Variants in PRELID2 observed in about 807,000 individuals in gnomAD.
PRELID2 encodes the protein PRELI domain-containing protein 2.
PRELID2 carries 25 observed loss-of-function variants against 28.4 expected under a neutral mutation model. The ratio of observed to expected loss-of-function variants is 0.88; its 90% confidence interval spans 0.64 to 1.23. The LOEUF (loss-of-function observed/expected upper bound fraction) is 1.23. PRELID2 is among the 50% of genes most tolerant of loss of function. The probability of loss-of-function intolerance (pLI) is 0.00; values close to 1 mark genes in which losing one functional copy is unlikely to be tolerated. For synonymous variants in PRELID2, 76 were observed against 71.6 expected (o/e 1.06, Z -0.31); for missense variants, 201 against 214.4 (o/e 0.94, Z 0.39).
intron 5 of PRELID2, among the ~76,000 whole-genome samples, chr5:145,793,127 G>A (rs1456574739): frequency 2.0e-5 from 3 of 152,104 alleles, no homozygotes; most frequent in Non-Finnish European, 2.9e-5. Flanking sequence ...CAGCATTTGT[G>A]ACACAAAGGC....
intron 1 of PRELID2, among the ~76,000 whole-genome samples, chr5:145,548,937 C>G (rs1309028799): frequency 6.6e-6 from 1 of 152,104 alleles, no homozygotes; most frequent in Non-Finnish European, 1.5e-5. Context: ...TTGTACCCAC[C>G]ACCTCAAGTT....
At chr5:145,490,769 T>C (rs1303674202) in intron 1 of PRELID2, among the ~76,000 whole-genome samples, 2 of 152,188 alleles carry the variant, frequency 1.3e-5, no homozygotes, top group East Asian at 3.8e-4. Context: ...ACTTTAAAAT[T>C]TGAAAATTCA....
chr5:145,389,741 T>C, the PRELID2 span, among the ~76,000 whole-genome samples: 5 of 152,186 alleles, frequency 3.3e-5, no homozygotes, highest in Non-Finnish European at 7.3e-5. Context: ...AAAGTTAGGT[T>C]GCTCACTTTG....
At chr5:145,516,224 T>C (rs1210442431) in intron 1 of PRELID2, among the ~76,000 whole-genome samples, 1 of 152,206 alleles carries the variant, frequency 6.6e-6, no homozygotes, top group Non-Finnish European at 1.5e-5. Flanking sequence ...GATGACATGA[T>C]TGTGTATTTA....
intron 1 of PRELID2, among the ~76,000 whole-genome samples, chr5:145,642,359 GTTGT>G (rs763252941): frequency 3.3e-5 from 5 of 152,156 alleles, no homozygotes; most frequent in African/African-American, 9.7e-5. Context: ...TTTTGAAGGG[GTTGT>G]TTGTTTTTTA....
the PRELID2 span, among the ~76,000 whole-genome samples, chr5:145,319,820 A>G: frequency 6.6e-6 from 1 of 152,220 alleles, no homozygotes; most frequent in Non-Finnish European, 1.5e-5. Context: ...CTGGATGATA[A>G]GCATACCACC....
At chr5:145,706,703 TATAAA>T (rs2149706939) in intron 1 of PRELID2, among the ~76,000 whole-genome samples, 1 of 152,360 alleles carries the variant, frequency 6.6e-6, no homozygotes, top group South Asian at 2.1e-4. Context: ...ATGACTGAAA[TATAAA>T]ATAAAATAAT....
the PRELID2 span, among the ~76,000 whole-genome samples, chr5:145,422,490 G>A: frequency 6.6e-6 from 1 of 151,920 alleles, no homozygotes; most frequent in Non-Finnish European, 1.5e-5. Flanking sequence ...TTATGTAATG[G>A]CCTTCTTTTT....
At chr5:145,566,491 T>C (rs963670238) in intron 1 of PRELID2, among the ~76,000 whole-genome samples, 6 of 151,570 alleles carry the variant, frequency 4.0e-5, no homozygotes, top group African/African-American at 2.4e-5. Flanking sequence ...GGTGACAGTA[T>C]AAAAAGGGAA....
At chr5:145,503,134 T>A (rs1449445779) in intron 1 of PRELID2, among the ~76,000 whole-genome samples, 1 of 152,144 alleles carries the variant, frequency 6.6e-6, no homozygotes, top group Non-Finnish European at 1.5e-5. Context: ...AGCAGGGCCC[T>A]TGTCAGAAGA....
chr5:145,538,950 G>A (rs1191249653), intron 1 of PRELID2, among the ~76,000 whole-genome samples: 1 of 151,902 alleles, frequency 6.6e-6, no homozygotes, highest in Non-Finnish European at 1.5e-5. Context: ...GCATAACTCA[G>A]AATACCTGAC....
the PRELID2 span, among the ~76,000 whole-genome samples, chr5:145,231,237 T>C: frequency 6.6e-6 from 1 of 152,102 alleles, no homozygotes; most frequent in Non-Finnish European, 1.5e-5. Context: ...TTTTTTGTCA[T>C]GACTTTTGAC....
the PRELID2 span, among the ~76,000 whole-genome samples, chr5:145,250,378 A>G: frequency 6.6e-6 from 1 of 152,174 alleles, no homozygotes; most frequent in East Asian, 1.9e-4. Context: ...GCTAGAATTC[A>G]GAGTTTCTGA....
At chr5:145,808,999 A>G in intron 4 of PRELID2, among the ~76,000 whole-genome samples, 1 of 141,470 alleles carries the variant, frequency 7.1e-6, no homozygotes, top group Admixed American at 7.1e-5. Context: ...TATTCAAATT[A>G]TTAACACACA....
chr5:145,432,855 C>A, the PRELID2 span, among the ~76,000 whole-genome samples: 3 of 152,108 alleles, frequency 2.0e-5, no homozygotes, highest in African/African-American at 4.8e-5. Context: ...AAGAAAATAA[C>A]CCCAAACTTT....
At chr5:145,395,629 G>T in the PRELID2 span, among the ~76,000 whole-genome samples, 1 of 152,042 alleles carries the variant, frequency 6.6e-6, no homozygotes, top group Admixed American at 6.6e-5. Context: ...TATAAAGGAC[G>T]AACACGTTTG....
At chr5:145,561,306 T>C (rs1366874375) in intron 1 of PRELID2, among the ~76,000 whole-genome samples, 1 of 152,210 alleles carries the variant, frequency 6.6e-6, no homozygotes, top group Non-Finnish European at 1.5e-5. Flanking sequence ...CAGCACTTTT[T>C]TCTTCCTTTT....
intron 1 of PRELID2, among the ~76,000 whole-genome samples, chr5:145,722,834 A>G (rs1756029328): frequency 6.6e-6 from 1 of 152,166 alleles, no homozygotes; most frequent in Non-Finnish European, 1.5e-5. Flanking sequence ...AATACAGTTT[A>G]CCAACATTGA....
the PRELID2 span, among the ~76,000 whole-genome samples, chr5:145,427,290 T>G: frequency 6.6e-6 from 1 of 152,238 alleles, no homozygotes; most frequent in Admixed American, 6.5e-5. Flanking sequence ...TTCAGAGGTC[T>G]GGCTATGAAT....
Sources: allele counts gnomAD v4.1 joint callset (sites outside exome capture counted in the v4.1 genomes callset), GRCh38; gene constraint gnomAD v4.1.1; transcripts MANE v1.5; gene names NCBI Gene and HGNC (gene_info 2026-07-23, HGNC 2026-07-21).